The following NPAS3 variants were observed in gnomAD, a reference collection of about 807,000 sequenced individuals.
The protein encoded by NPAS3 is neuronal PAS domain-containing protein 3.
NPAS3 carries 14 observed loss-of-function variants against 73.1 expected under a neutral mutation model. The ratio of observed to expected loss-of-function variants is 0.19; its 90% confidence interval spans 0.13 to 0.30. The LOEUF (loss-of-function observed/expected upper bound fraction) is 0.30, where lower values mean the gene tolerates loss of function less well. Among genes scored for constraint, NPAS3 ranks in the 10% least tolerant of loss-of-function variants. NPAS3 has a pLI of 1.00. For missense variants in NPAS3, 1,096 were observed against 1,250.0 expected (o/e 0.88, Z 1.86); for synonymous variants, 620 against 541.5 (o/e 1.14, Z -2.01).
chr14:33,000,481 C>T (rs2038765699), intron 1 of NPAS3, among the ~76,000 whole-genome samples: 1 of 152,128 alleles, frequency 6.6e-6, no homozygotes, highest in Non-Finnish European at 1.5e-5. Flanking sequence ...ATGTTATAGA[C>T]ACAGATTTTG....
intron 1 of NPAS3, among the ~76,000 whole-genome samples, chr14:32,996,919 T>A (rs1344851892): frequency 6.6e-6 from 1 of 151,996 alleles, no homozygotes; most frequent in Non-Finnish European, 1.5e-5. Flanking sequence ...GAATGGTAGA[T>A]CCACCAACAG....
intron 5 of NPAS3, among the ~76,000 whole-genome samples, chr14:33,619,609 G>C (rs916371199): frequency 3.3e-5 from 5 of 152,184 alleles, no homozygotes; most frequent in African/African-American, 4.8e-5. Context: ...GCACACACGT[G>C]CTCTTTTAGA....
chr14:33,311,699 A>T (rs550632560), intron 3 of NPAS3, among the ~76,000 whole-genome samples: 1 of 152,178 alleles, frequency 6.6e-6, no homozygotes, highest in Non-Finnish European at 1.5e-5. Context: ...AAATTTGGAC[A>T]TAATAAAAGT....
intron 2 of NPAS3, among the ~76,000 whole-genome samples, chr14:33,124,295 G>T (rs1276576899): frequency 6.6e-6 from 1 of 152,110 alleles, no homozygotes; most frequent in African/African-American, 2.4e-5. Flanking sequence ...ATGAGAAAGG[G>T]TGAGTTGTCT....
chr14:33,632,972 G>T (rs2058422074), intron 5 of NPAS3, among the ~76,000 whole-genome samples: 1 of 152,062 alleles, frequency 6.6e-6, no homozygotes, highest in South Asian at 2.1e-4. Context: ...GTATCAGCAG[G>T]TTCTGCATCC....
chr14:33,674,828 T>G (rs2059713442), intron 5 of NPAS3, among the ~76,000 whole-genome samples: 1 of 152,210 alleles, frequency 6.6e-6, no homozygotes, highest in South Asian at 2.1e-4. Context: ...ATGTGGAAGA[T>G]CTGCAGCCTG....
chr14:33,504,434 T>G (rs1166055462), intron 4 of NPAS3, among the ~76,000 whole-genome samples: 1 of 152,008 alleles, frequency 6.6e-6, no homozygotes, highest in African/African-American at 2.4e-5. Flanking sequence ...CCCAAGACTT[T>G]TATATTTCTA....
chr14:33,507,679 A>G (rs1166207491), intron 4 of NPAS3, among the ~76,000 whole-genome samples: 1 of 151,998 alleles, frequency 6.6e-6, no homozygotes, highest in African/African-American at 2.4e-5. Flanking sequence ...TGGAATTTCT[A>G]TCTAATTTTA....
chr14:33,359,122 TGAGA>T (rs374683004), intron 3 of NPAS3, among the ~76,000 whole-genome samples: 1 of 151,044 alleles, frequency 6.6e-6, no homozygotes, highest in Admixed American at 6.6e-5. Flanking sequence ...AGAGAGACAG[TGAGA>T]GAGAGAGAGG....
At position 33,252,069 on chromosome 14, in the gene NPAS3, G is replaced by A. The variant is rs865870891; in HGVS notation, c.385+36643G>A. 2.8e-4 allele frequency among the ~76,000 whole-genome samples: 43 copies of A among 151,156 alleles called. 1 individual carries two copies. The South Asian group carries it at 5.4e-3, about 19-fold the overall frequency. On this transcript the variant is annotated intron_variant, in intron 3 of 11. Coordinates refer to ENST00000356141, the Ensembl canonical transcript of NPAS3. ...CGTGTGTGTGTGTCTGTGTGTGTGTGTGTGTGTGTGTGTGTGTGTGTGTAA... is the reference window on the plus strand; with the variant it reads ...CGTGTGTGTGTGTCTGTGTGTGTGTATGTGTGTGTGTGTGTGTGTGTGTAA...
At chr14:32,995,923 G>T (rs1215474724) in intron 1 of NPAS3, among the ~76,000 whole-genome samples, 3 of 152,188 alleles carry the variant, frequency 2.0e-5, no homozygotes, top group Admixed American at 6.5e-5. Flanking sequence ...TGACTTTGGA[G>T]CTGGGTAACA....
intron 1 of NPAS3, among the ~76,000 whole-genome samples, chr14:32,967,898 T>C (rs116200682): frequency 0.023 from 2,944 of 126,024 alleles, 92 homozygotes; most frequent in African/African-American, 0.081. Flanking sequence ...ATTGCAATAG[T>C]ATTACATTGT....
chr14:33,055,924 C>T (rs2040871353), exon 2 of NPAS3: 1 of 810,192 alleles, frequency 1.2e-6, no homozygotes, highest in African/African-American at 1.7e-5. Flanking sequence ...CCAGCATCCT[C>T]TGCCCAACCA....
chr14:33,585,128 T>G (rs903423318), intron 5 of NPAS3, among the ~76,000 whole-genome samples: 4 of 151,710 alleles, frequency 2.6e-5, no homozygotes, highest in Non-Finnish European at 4.4e-5. Context: ...GGATACAGGA[T>G]GAAATGCAAG....
intron 4 of NPAS3, among the ~76,000 whole-genome samples, chr14:33,399,746 A>G (rs950219597): frequency 6.6e-6 from 1 of 151,426 alleles, no homozygotes; most frequent in African/African-American, 2.4e-5. Context: ...TTTTAATCTC[A>G]CTACTCTTAG....
chr14:33,352,641 A>G (rs944171738), intron 3 of NPAS3, among the ~76,000 whole-genome samples: 1 of 152,226 alleles, frequency 6.6e-6, no homozygotes, highest in African/African-American at 2.4e-5. Context: ...ATACTAAACT[A>G]CAGCTGTCTT....
At chr14:33,362,757 C>G (rs1315130) in intron 3 of NPAS3, among the ~76,000 whole-genome samples, 1 of 151,976 alleles carries the variant, frequency 6.6e-6, no homozygotes, top group Non-Finnish European at 1.5e-5. Context: ...TACATTTGCC[C>G]GTGATGCCGT....
chr14:33,508,551 G>A (rs1011296254), intron 4 of NPAS3, among the ~76,000 whole-genome samples: 1 of 151,992 alleles, frequency 6.6e-6, no homozygotes, highest in African/African-American at 2.4e-5. Flanking sequence ...TAACTCTGGG[G>A]TGAGTTCTTA....
At chr14:33,569,280 T>C (rs2056103385) in intron 5 of NPAS3, among the ~76,000 whole-genome samples, 1 of 152,168 alleles carries the variant, frequency 6.6e-6, no homozygotes, top group African/African-American at 2.4e-5. Context: ...CTATGCAAAC[T>C]TTTTGAGAGC....
Sources: allele counts gnomAD v4.1 joint callset (sites outside exome capture counted in the v4.1 genomes callset), GRCh38; gene constraint gnomAD v4.1.1; transcripts MANE v1.5; gene names NCBI Gene and HGNC (gene_info 2026-07-23, HGNC 2026-07-21).